The following CCDC50 variants were observed in gnomAD, a reference collection of about 807,000 sequenced individuals.
The protein encoded by CCDC50 is coiled-coil domain-containing protein 50.
Under a neutral mutation model 70.2 loss-of-function variants are expected in CCDC50, and 54 were observed. The observed-to-expected ratio is 0.77, with a 90% confidence interval of 0.62 to 0.96. The LOEUF is 0.96. CCDC50 is among the 50% of genes least tolerant of loss of function. CCDC50 has a pLI of 0.00. For synonymous variants in CCDC50, 216 were observed against 198.8 expected (o/e 1.09, Z -0.73); for missense variants, 558 against 578.7 (o/e 0.96, Z 0.37).
In CCDC50 at chr3:191,352,081, A is replaced by G. The variant is rs1712124010; in HGVS notation, c.50-5007A>G. 3.5e-5 allele frequency among the ~76,000 whole-genome samples: 5 copies of G among 142,326 alleles called. 1 individual carries two copies. In the South Asian group the frequency reaches 8.9e-4, roughly 25 times the overall value. 93.4% of individuals were successfully genotyped at this position (142,326 alleles called of 152,430 possible). A position where few individuals can be genotyped will look rare whatever the true frequency, so the allele number is the denominator to read the frequency against. ...TTACATCCACCCCCAGTTCATAACAAGCATAACTGTTCCAGTGTTTATGAC... is the reference window on the plus strand; with the variant it reads ...TTACATCCACCCCCAGTTCATAACAGGCATAACTGTTCCAGTGTTTATGAC... On this transcript the variant is annotated intron_variant, in intron 1 of 11. Coordinates refer to ENST00000392455, the MANE Select transcript of CCDC50 (RefSeq NM_178335.3).
chr3:191,360,046 G>A (rs1175658646), intron 3 of CCDC50, among the ~76,000 whole-genome samples: 1 of 152,198 alleles, frequency 6.6e-6, no homozygotes, highest in Non-Finnish European at 1.5e-5. Context: ...TAGAAGGGAA[G>A]TCTTTCAGTT....
At chr3:191,346,249 T>C (rs1320173783) in intron 1 of CCDC50, among the ~76,000 whole-genome samples, 1 of 152,206 alleles carries the variant, frequency 6.6e-6, no homozygotes, top group Non-Finnish European at 1.5e-5. Context: ...AATAAAAACA[T>C]GTATCTCTCT....
At chr3:191,342,695 G>A (rs1711773880) in intron 1 of CCDC50, among the ~76,000 whole-genome samples, 1 of 152,182 alleles carries the variant, frequency 6.6e-6, no homozygotes, top group Non-Finnish European at 1.5e-5. Context: ...TTGAGGGCTT[G>A]TGTAAGTGCC....
intron 1 of CCDC50, among the ~76,000 whole-genome samples, chr3:191,333,620 T>C (rs1718056822): frequency 6.6e-6 from 1 of 152,214 alleles, no homozygotes; most frequent in Admixed American, 6.5e-5. Context: ...TATCTTGCTG[T>C]ACCCTCATTT....
intron 4 of CCDC50, among the ~76,000 whole-genome samples, chr3:191,363,826 A>G (rs1313991739): frequency 6.6e-6 from 1 of 152,220 alleles, no homozygotes; most frequent in Non-Finnish European, 1.5e-5. Flanking sequence ...AGATGAGAAG[A>G]TGGCTACTGT....
intron 1 of CCDC50, among the ~76,000 whole-genome samples, chr3:191,340,600 T>C (rs1031941311): frequency 1.6e-4 from 25 of 152,196 alleles, no homozygotes; most frequent in Admixed American, 1.6e-3. Flanking sequence ...AATTACATAA[T>C]CTTCACATAG....
intron 5 of CCDC50, 21 bp downstream of exon 5, chr3:191,370,057 ATCTAT>A: frequency 2.7e-6 from 4 of 1,475,258 alleles, no homozygotes; most frequent in Non-Finnish European, 3.8e-6. Context: ...CTGCATCATG[ATCTAT>A]TCTATCCTTA....
intron 10 of CCDC50, among the ~76,000 whole-genome samples, 163 bp from the exon 11 acceptor site, chr3:191,389,333 T>G (rs561830793): frequency 6.6e-6 from 1 of 152,340 alleles, no homozygotes. Context: ...GATAAATAAT[T>G]TATTCAAGGC....
At chr3:191,376,054 A>G (rs1576969725) in intron 6 of CCDC50, among the ~76,000 whole-genome samples, 2 of 152,180 alleles carry the variant, frequency 1.3e-5, no homozygotes, top group African/African-American at 4.8e-5. Flanking sequence ...CATTTGTAAA[A>G]TGAGGAGTTG....
Position 191,396,320 on chromosome 3 carries a change from C to T in CCDC50, c.*4560C>T, listed in dbSNP as rs1256590432. On this transcript the variant is annotated 3_prime_UTR_variant, in exon 12 of 12. Transcript: ENST00000392455. ...TGAGATATAACATTCACAGATGATCCCCAAGTATCCTTGTCATCAGAAGCT... is the reference window on the plus strand; with the variant it reads ...TGAGATATAACATTCACAGATGATCTCCAAGTATCCTTGTCATCAGAAGCT... The T allele has an allele frequency of 1.3e-5, 2 of 152,134 alleles. No individual in the cohort carries two copies. Among genetic ancestry groups the T allele is most frequent in the Non-Finnish European group, 2.9e-5 (2 of 68,006 alleles). The allele number at this position is 152,134 out of a possible 1,614,324, so 9.4% of individuals were successfully genotyped here. A position where few individuals can be genotyped will look rare whatever the true frequency, so the allele number is the denominator to read the frequency against.
intron 1 of CCDC50, among the ~76,000 whole-genome samples, chr3:191,339,638 CT>C (rs1234311873): frequency 6.6e-6 from 1 of 152,166 alleles, no homozygotes; most frequent in Non-Finnish European, 1.5e-5. Flanking sequence ...CTTCAAGAAG[CT>C]TTCTGAATAT....
intron 1 of CCDC50, among the ~76,000 whole-genome samples, chr3:191,335,391 G>A (rs1711503178): frequency 6.6e-6 from 1 of 152,134 alleles, no homozygotes; most frequent in African/African-American, 2.4e-5. Flanking sequence ...GGTGTCCTGT[G>A]CTTCAAAAAT....
chr3:191,378,659 T>G (rs1477820798), intron 6 of CCDC50, among the ~76,000 whole-genome samples: 1 of 152,150 alleles, frequency 6.6e-6, no homozygotes, highest in Non-Finnish European at 1.5e-5. Flanking sequence ...CCTTCCTAGT[T>G]CTGACTAAGC....
intron 10 of CCDC50, among the ~76,000 whole-genome samples, chr3:191,385,980 C>T (rs1713480685): frequency 6.6e-6 from 1 of 152,052 alleles, no homozygotes; most frequent in African/African-American, 2.4e-5. Context: ...TTACATTGGT[C>T]TGTGTGTCAG....
In CCDC50 at chr3:191,375,576, C is replaced by T. The variant is rs1277249876; in HGVS notation, c.963C>T (p.His321=). ...TCTCAGAGAGTGAGGAGCAGCTCCA[C>T]CTCCATGACGCAGGTAATAGAGGAC... ...PPFSESEEQL[H]LHDAGMKPRV... Residue 321 remains histidine (H), a synonymous_variant, in exon 6 of 12, where the codon CAC becomes CAT. Transcript: ENST00000392455. The T allele has an allele frequency of 6.2e-7, 1 of 1,613,058 alleles. No homozygotes were observed. Among genetic ancestry groups the T allele is most frequent in the Admixed American group, 1.7e-5 (1 of 59,844 alleles).
chr3:191,345,456 CCT>C (rs1243466948), intron 1 of CCDC50, among the ~76,000 whole-genome samples: 2 of 152,144 alleles, frequency 1.3e-5, no homozygotes, highest in East Asian at 1.9e-4. Flanking sequence ...TTTCACTCTT[CCT>C]CTCACTCCAG....
chr3:191,388,827 TAAAG>T (rs1028037977), intron 10 of CCDC50, among the ~76,000 whole-genome samples: 1 of 152,138 alleles, frequency 6.6e-6, no homozygotes, highest in Non-Finnish European at 1.5e-5. Context: ...CTTTGGGAGA[TAAAG>T]AATGAGAGGT....
chr3:191,359,129 C>T (rs768789975), intron 3 of CCDC50, among the ~76,000 whole-genome samples: 2 of 152,092 alleles, frequency 1.3e-5, no homozygotes, highest in East Asian at 1.9e-4. Context: ...TCTAGAGATA[C>T]GTGCATGAGT....
intron 1 of CCDC50, among the ~76,000 whole-genome samples, chr3:191,346,544 C>T (rs919222805): frequency 2.0e-5 from 3 of 152,060 alleles, no homozygotes; most frequent in Non-Finnish European, 4.4e-5. Context: ...TGCATTAACC[C>T]GTATGATATG....
Sources: allele counts gnomAD v4.1 joint callset (sites outside exome capture counted in the v4.1 genomes callset), GRCh38; gene constraint gnomAD v4.1.1; transcripts MANE v1.5; gene names NCBI Gene and HGNC (gene_info 2026-07-23, HGNC 2026-07-21).